Variants in GPAM observed in about 807,000 individuals in gnomAD.
The protein encoded by GPAM is glycerol-3-phosphate acyltransferase, mitochondrial.
Under a neutral mutation model 105.0 loss-of-function variants are expected in GPAM, and 56 were observed. The ratio of observed to expected loss-of-function variants is 0.53; its 90% CI spans 0.43 to 0.67. GPAM has a LOEUF of 0.67. Ranked by LOEUF, GPAM falls within the 30% of genes least tolerant of loss-of-function variation. The pLI, the probability that GPAM is intolerant of heterozygous loss-of-function variation, is 0.00. For synonymous variants in GPAM, 368 were observed against 354.4 expected, an observed-to-expected ratio of 1.04 and a Z score of -0.43; for missense variants, 855 against 989.8, an observed-to-expected ratio of 0.86 and a Z score of 1.83.
rs1307941640 is a variant in GPAM at position 112,151,831 on chromosome 10, T to C, written c.*1719A>G. 3 of 985,086 alleles carry C rather than the reference T, an allele frequency of 3.0e-6. No homozygotes were observed. Among genetic ancestry groups the C allele is most frequent in the Non-Finnish European group, 2.4e-6 (2 of 829,750 alleles). 61.0% of individuals were successfully genotyped at this position (985,086 alleles called of 1,614,324 possible). A position where few individuals can be genotyped will look rare whatever the true frequency, so the allele number is the denominator to read the frequency against. On this transcript the variant is annotated 3_prime_UTR_variant, in exon 22 of 22. Transcript: ENST00000348367. ...ATCCTCCAAATGTAGCCAAGAAAAG[T>C]GTTCTTCTACCCTAGTCAGTAAAAT...
Position 112,168,924 on chromosome 10 carries a change from A to C in GPAM, c.823T>G (p.Phe275Val). The change falls in exon 10 of 22, where the codon TTC (phenylalanine) becomes GTC (valine). Residue 275 changes from phenylalanine to valine, a missense_variant. Phe to Val is a conservative substitution (Grantham distance 50). Coordinates refer to ENST00000348367, the MANE Select transcript of GPAM (RefSeq NM_001244949.2). ...STLIHKLGGF[F>V]IRRRLDETPD... ...GTTTCATCGAGCCTTCGTCGTATGAAGAAGCCCCCAAGCTTATGGATCAAG... is the reference window on the plus strand; with the variant it reads ...GTTTCATCGAGCCTTCGTCGTATGACGAAGCCCCCAAGCTTATGGATCAAG... The C allele has an allele frequency of 6.2e-7, 1 of 1,609,042 alleles. No homozygotes were observed. Among genetic ancestry groups the C allele is most frequent in the South Asian group, 1.1e-5 (1 of 90,984 alleles).
chr10:112,150,213 A>T lies in GPAM; in HGVS notation c.*3337T>A, dbSNP rs2133215548. On this transcript the variant is annotated 3_prime_UTR_variant, in exon 22 of 22. Transcript: ENST00000348367. Reference sequence around the variant, plus strand: ...AAAAACAGGTTTACAGCCCATAGTAAGTCTTAGAAACCTCAACGATAGGTC... The same window carrying T: ...AAAAACAGGTTTACAGCCCATAGTATGTCTTAGAAACCTCAACGATAGGTC... 1 of 984,812 alleles carries T rather than the reference A, an allele frequency of 1.0e-6. No individual in the cohort carries two copies. Among genetic ancestry groups the T allele is most frequent in the Non-Finnish European group, 1.2e-6 (1 of 829,290 alleles). The allele number at this position is 984,812 out of a possible 1,614,324, so 61.0% of individuals were successfully genotyped here.
At chr10:112,227,030 C>T in the GPAM span, among the ~76,000 whole-genome samples, 5 of 152,176 alleles carry the variant, frequency 3.3e-5, no homozygotes. Context: ...GCAAGCCCTG[C>T]CTCAGCTTCT....
chr10:112,161,785 T>C (rs751141405), intron 14 of GPAM, 48 bp from the exon 15 acceptor site: 1 of 1,445,900 alleles, frequency 6.9e-7, no homozygotes, highest in Non-Finnish European at 9.7e-7. Context: ...TTTACAAACA[T>C]AGCTGAACTT....
intron 1 of GPAM, among the ~76,000 whole-genome samples, chr10:112,204,422 A>G (rs969081889): frequency 6.6e-6 from 1 of 151,810 alleles, no homozygotes; most frequent in Non-Finnish European, 1.5e-5. Flanking sequence ...GGGAGTGGGT[A>G]GGGGAAGAAG....
intron 1 of GPAM, among the ~76,000 whole-genome samples, chr10:112,191,623 G>A (rs1847659575): frequency 6.6e-6 from 1 of 152,202 alleles, no homozygotes; most frequent in Non-Finnish European, 1.5e-5. Flanking sequence ...CCTGGAAGTA[G>A]GCTAAGTAAT....
upstream of GPAM, among the ~76,000 whole-genome samples, chr10:112,187,920 A>C (rs4917628): frequency 6.6e-6 from 1 of 151,842 alleles, no homozygotes; most frequent in African/African-American, 2.4e-5. Flanking sequence ...TTAACTATTT[A>C]GAAACTCACA....
chr10:112,187,667 T>C (rs2133278520), upstream of GPAM, among the ~76,000 whole-genome samples: 1 of 152,272 alleles, frequency 6.6e-6, no homozygotes, highest in Non-Finnish European at 1.5e-5. Context: ...AAAAAATTAA[T>C]AAGGATGTAA....
At chr10:112,185,495 A>AT (rs1170941500), upstream of GPAM, among the ~76,000 whole-genome samples, 2 of 151,528 alleles carry the variant, frequency 1.3e-5, no homozygotes, top group Non-Finnish European at 2.9e-5. Flanking sequence ...TTTAAAAAAA[A>AT]AAAAGACACA....
At chr10:112,154,940 TAG>T in intron 20 of GPAM, 1 of 564,238 alleles carries the variant, frequency 1.8e-6, no homozygotes, top group Non-Finnish European at 3.2e-6. Context: ...AAAGAGGGTG[TAG>T]AGAGAGAAAT....
intron 1 of GPAM, among the ~76,000 whole-genome samples, chr10:112,198,520 T>G (rs993400506): frequency 1.8e-4 from 28 of 152,188 alleles, no homozygotes; most frequent in Non-Finnish European, 1.8e-4. Context: ...ACATTCCATT[T>G]CAGCAGTTTC....
chr10:112,175,582 A>T lies in GPAM; in HGVS notation c.413+18T>A. On this transcript the variant is annotated intron_variant, in intron 6 of 21. Coordinates refer to ENST00000348367, the MANE Select transcript of GPAM (RefSeq NM_001244949.2). Reference sequence around the variant, plus strand: ...CATCCCTGCCTCTTCCCACCTTTACACCTTGCCCCGCCCTTACCTACTGCT... The same window carrying T: ...CATCCCTGCCTCTTCCCACCTTTACTCCTTGCCCCGCCCTTACCTACTGCT... The T allele has an allele frequency of 7.4e-7, 1 of 1,349,848 alleles. No individual in the cohort carries two copies. The highest frequency in any genetic ancestry group is 1.2e-5 in the South Asian group (1 of 85,766). 83.6% of individuals were successfully genotyped at this position (1,349,848 alleles called of 1,614,324 possible). A position where few individuals can be genotyped will look rare whatever the true frequency, so the allele number is the denominator to read the frequency against.
At chr10:112,202,579 C>A (rs992930163) in intron 1 of GPAM, among the ~76,000 whole-genome samples, 2 of 152,176 alleles carry the variant, frequency 1.3e-5, no homozygotes, top group African/African-American at 4.8e-5. Context: ...GAGTTTAATT[C>A]AAATAATCTA....
the GPAM span, among the ~76,000 whole-genome samples, chr10:112,226,322 G>A: frequency 1.2e-4 from 19 of 152,298 alleles, no homozygotes; most frequent in African/African-American, 4.6e-4. Context: ...TCATCGTTGT[G>A]GAGAGTGTGG....
At chr10:112,210,553 G>T (rs1417999425) in intron 1 of GPAM, among the ~76,000 whole-genome samples, 1 of 152,216 alleles carries the variant, frequency 6.6e-6, no homozygotes, top group Non-Finnish European at 1.5e-5. Context: ...TGAGACCCCA[G>T]TTAGGGAAGA....
the GPAM span, among the ~76,000 whole-genome samples, chr10:112,220,503 T>A: frequency 6.6e-6 from 1 of 152,360 alleles, no homozygotes; most frequent in African/African-American, 2.4e-5. Context: ...TCTTTGCTTT[T>A]AGCTATATGT....
chr10:112,172,926 C>A lies in GPAM; in HGVS notation c.657+44G>T, dbSNP rs780019789. The A allele has an allele frequency of 2.9e-6, 3 of 1,017,020 alleles. No homozygotes were observed. In the South Asian group the frequency reaches 3.8e-5, roughly 13 times the overall value. The allele number at this position is 1,017,020 out of a possible 1,614,324, so 63.0% of individuals were successfully genotyped here. ...CCACAAGAACCCTAAAACCACTCTA[C>A]AATTGAGGGGAAAATGGGGTAATAG... On this transcript the variant is annotated intron_variant, in intron 8 of 21. Transcript: ENST00000348367.
At chr10:112,215,107 C>T (rs556717578) in intron 1 of GPAM, 1 of 152,374 alleles carries the variant, frequency 6.6e-6, no homozygotes. Context: ...TCGTCCTACC[C>T]CCGTGTCTCA....
the GPAM span, among the ~76,000 whole-genome samples, chr10:112,225,112 G>A: frequency 2.0e-5 from 3 of 152,134 alleles, no homozygotes; most frequent in Admixed American, 6.5e-5. Context: ...AGGGGTCTCC[G>A]CCAGAATGGG....
Sources: gnomAD v4.1 joint callset for allele counts (sites outside exome capture counted in the v4.1 genomes callset) on GRCh38, gnomAD v4.1.1 for gene constraint, MANE v1.5 for transcripts, NCBI Gene and HGNC (gene_info 2026-07-23, HGNC 2026-07-21) for gene names.